The following TAB1 variants were observed in gnomAD, a reference collection of about 807,000 sequenced individuals.
TAB1 encodes TGF-beta-activated kinase 1 and MAP3K7-binding protein 1.
Under a neutral mutation model 54.5 loss-of-function variants are expected in TAB1, and 30 were observed. The ratio of observed to expected loss-of-function variants is 0.55; its 90% CI spans 0.41 to 0.75. The LOEUF is 0.75. Ranked by LOEUF, TAB1 falls within the 30% of genes least tolerant of loss-of-function variation. TAB1 has a pLI of 0.00. For synonymous variants in TAB1, 289 were observed against 286.9 expected, an observed-to-expected ratio of 1.01 and a Z score of -0.07; for missense variants, 609 against 683.2, an observed-to-expected ratio of 0.89 and a Z score of 1.21.
Position 39,421,876 on chromosome 22 carries a change from C to T in TAB1, c.826C>T (p.Gln276Ter). 6.2e-7 allele frequency: 1 copy of T among 1,614,072 alleles called. No individual in the cohort carries two copies. The highest frequency in any genetic ancestry group is 8.5e-7 in the Non-Finnish European group (1 of 1,179,974). ...IIAEPEIHGA[Q>*]PLDGVTGFLV... Reference sequence around the variant, plus strand: ...CGCAGAGCCAGAAATCCATGGGGCACAGCCGCTGGATGGGGTGACGGGCTT... The same window carrying T: ...CGCAGAGCCAGAAATCCATGGGGCATAGCCGCTGGATGGGGTGACGGGCTT... The change falls in exon 8 of 11, where the codon CAG (glutamine) becomes TAG (stop). Residue 276 changes from glutamine (Q) to a stop codon, truncating the protein, a stop_gained. Transcript: ENST00000216160. LOFTEE classifies it high-confidence loss of function.
chr22:39,415,122 G>T lies in TAB1; in HGVS notation c.150G>T (p.Glu50Asp). 6.3e-7 allele frequency: 1 copy of T among 1,595,798 alleles called. No individual in the cohort carries two copies. Among genetic ancestry groups the T allele is most frequent in the Non-Finnish European group, 8.6e-7 (1 of 1,168,040 alleles). Residue 50 changes from glutamate to aspartate, a missense_variant, in exon 2 of 11, where the codon GAG (glutamate) becomes GAT (aspartate). Physicochemically the swap from Glu to Asp is conservative, Grantham distance 45. Coordinates refer to ENST00000216160, the MANE Select transcript of TAB1 (RefSeq NM_006116.3). The surrounding 1 kb of genome is among the most constrained non-coding windows in gnomAD (Gnocchi z 4.9). ...DGKGTESHPP[E>D]DSWLKFRSEN... The stretch of plus-strand genomic sequence containing the variant: ...AGGGCACTGAGAGCCACCCGCCAGA[G>T]GACAGCTGGCTCAAGTTCAGGTGTG...
chr22:39,425,618 G>C (rs1400291492), intron 8 of TAB1, among the ~76,000 whole-genome samples: 1 of 150,902 alleles, frequency 6.6e-6, no homozygotes, highest in Non-Finnish European at 1.5e-5. Flanking sequence ...GCAGTGGCTC[G>C]ATCTGGGCTT....
At chr22:39,419,786 C>CA (rs201644827) in intron 7 of TAB1, among the ~76,000 whole-genome samples, 156 bp downstream of exon 7, 150 of 136,172 alleles carry the variant, frequency 1.1e-3, no homozygotes, top group South Asian at 4.0e-3. Flanking sequence ...GACCCTGTCT[C>CA]AAAAAAAAAA....
rs377100708 is a variant in TAB1, at chr22:39,430,126, C to A, written c.1419C>A (p.Gly473=). Residue 473 remains glycine, a synonymous_variant, in exon 11 of 11, where the codon GGC becomes GGA. Transcript: ENST00000216160. The part of the protein sequence containing the change: ...RSRPAHSLPP[G]EDGRVEPYVD... ...GGCCCGCCCACTCGCTCCCGCCTGG[C>A]GAGGACGGTCGTGTTGAGCCCTATG... The A allele has an allele frequency of 4.3e-6, 7 of 1,613,922 alleles. No individual in the cohort carries two copies. The South Asian group carries it at 6.6e-5, about 15-fold the overall frequency.
chr22:39,414,941 A>G, intron 1 of TAB1, 65 bp from the exon 2 acceptor site: 1 of 1,598,754 alleles, frequency 6.3e-7, no homozygotes, highest in South Asian at 1.1e-5. Context: ...CAGAAGGAAT[A>G]GGTGAAGTGG....
chr22:39,415,803 C>T lies in TAB1; in HGVS notation c.324+150C>T. ...AGAGGAGCAGCTCCCAGCGTAGGCC[C>T]CCCCACCCAACAGGAGTCCAGGACC... On this transcript the variant is annotated intron_variant, in intron 3 of 10. Transcript: ENST00000216160. The surrounding 1 kb of genome is among the most constrained non-coding windows in gnomAD (Gnocchi z 4.9). 9.6e-7 allele frequency: 1 copy of T among 1,044,200 alleles called. No homozygotes were observed. Among genetic ancestry groups the T allele is most frequent in the Non-Finnish European group, 1.4e-6 (1 of 735,882 alleles). The allele number at this position is 1,044,200 out of a possible 1,614,324, so 64.7% of individuals were successfully genotyped here.
chr22:39,436,804 C>G (rs1927804104), downstream of TAB1: 1 of 558,664 alleles, frequency 1.8e-6, no homozygotes, highest in East Asian at 3.0e-5. Flanking sequence ...AGGGACTTAT[C>G]CCCCAAGGCT....
chr22:39,400,543 T>G (rs1569190668), intron 1 of TAB1, among the ~76,000 whole-genome samples: 1 of 152,234 alleles, frequency 6.6e-6, no homozygotes, highest in Non-Finnish European at 1.5e-5. Context: ...GACTCATCCC[T>G]ACCCCCGGTC....
chr22:39,415,163 G>T lies in TAB1; in HGVS notation c.170+21G>T. 2 of 1,555,182 alleles carry T rather than the reference G, an allele frequency of 1.3e-6. No homozygotes were observed. Among genetic ancestry groups the T allele is most frequent in the Non-Finnish European group, 1.7e-6 (2 of 1,147,326 alleles). On this transcript the variant is annotated intron_variant, in intron 2 of 10. Transcript: ENST00000216160. This position sits in a 1 kb window ranked among gnomAD's most constrained non-coding sequence, Gnocchi z 4.9. ...TTCAGGTGTGTGTGCCAGCATTTCT[G>T]TGTTGGGCCCGGGGAGTTGGTTGGT...
At position 39,428,088 on chromosome 22, in the gene TAB1, C is replaced by T. The variant is rs539182225; in HGVS notation, c.1212C>T (p.Ser404=). The T allele has an allele frequency of 1.9e-5, 31 of 1,613,856 alleles. No homozygotes were observed. The highest frequency in any genetic ancestry group is 4.5e-5 in the East Asian group (2 of 44,888). The change falls in exon 10 of 11, where the codon AGC becomes AGT. Residue 404 remains serine (S), a synonymous_variant. Transcript: ENST00000216160. ...YSSAQSTSKT[S]VTLSLVMPSQ... is the part of the protein sequence containing the mutation. ...GCGCCCAGAGCACCAGCAAGACCAG[C>T]GTGACCCTCTCCCTTGTCATGCCCT...
At chr22:39,419,754 T>C in intron 7 of TAB1, 124 bp downstream of exon 7, 1 of 544,762 alleles carries the variant, frequency 1.8e-6, no homozygotes. Context: ...GCCACTGCAC[T>C]CCAGCCTGGG....
chr22:39,435,348 C>G (rs367922100), downstream of TAB1, among the ~76,000 whole-genome samples: 6 of 152,150 alleles, frequency 3.9e-5, no homozygotes, highest in East Asian at 1.2e-3. Context: ...CAGGAAACCC[C>G]AGCAGGTCCC....
chr22:39,431,076 A>G lies in TAB1; in HGVS notation c.*854A>G. On this transcript the variant is annotated 3_prime_UTR_variant, in exon 11 of 11. Coordinates refer to ENST00000216160, the MANE Select transcript of TAB1 (RefSeq NM_006116.3). ...GCAGCTGAGATGAACTGTCTTTACC[A>G]CTGATGAGGGGCCTCTGCCGGCTGA... The G allele has an allele frequency of 2.0e-6, 2 of 985,606 alleles. No individual in the cohort carries two copies. Among genetic ancestry groups the G allele is most frequent in the Non-Finnish European group, 2.4e-6 (2 of 830,086 alleles). 61.1% of individuals were successfully genotyped at this position (985,606 alleles called of 1,614,324 possible).
intron 1 of TAB1, among the ~76,000 whole-genome samples, chr22:39,406,586 T>C (rs960811933): frequency 1.3e-5 from 2 of 152,010 alleles, no homozygotes; most frequent in African/African-American, 4.8e-5. Context: ...TACTTTTACA[T>C]ATGCTCTTTG....
At chr22:39,411,520 A>G (rs116753874) in intron 1 of TAB1, among the ~76,000 whole-genome samples, 1 of 152,236 alleles carries the variant, frequency 6.6e-6, no homozygotes, top group Admixed American at 6.5e-5. Context: ...GGAAGTGCAG[A>G]TTAAAGTCAC....
downstream of TAB1, chr22:39,433,732 G>A: frequency 1.0e-6 from 1 of 985,426 alleles, no homozygotes; most frequent in Non-Finnish European, 1.2e-6. Context: ...GGCAGTGGGG[G>A]CAGCCGGGCC....
chr22:39,430,637 C>T lies in TAB1; in HGVS notation c.*415C>T. 9.2e-7 allele frequency: 1 copy of T among 1,092,888 alleles called. No individual in the cohort carries two copies. Among genetic ancestry groups the T allele is most frequent in the Non-Finnish European group, 1.1e-6 (1 of 890,622 alleles). The allele number at this position is 1,092,888 out of a possible 1,614,324, so 67.7% of individuals were successfully genotyped here. On this transcript the variant is annotated 3_prime_UTR_variant, in exon 11 of 11. Transcript: ENST00000216160. ...AGCCCACCCCTCCTCCCACCATCACCTCCCTCACCTCGGGACAGTAGCCCT... is the reference window on the plus strand; with the variant it reads ...AGCCCACCCCTCCTCCCACCATCACTTCCCTCACCTCGGGACAGTAGCCCT...
rs2076032818 is a variant in TAB1, at chr22:39,430,191, A to G, written c.1484A>G (p.His495Arg). 1 of 1,613,514 alleles carries G rather than the reference A, an allele frequency of 6.2e-7. No homozygotes were observed. The highest frequency in any genetic ancestry group is 8.5e-7 in the Non-Finnish European group (1 of 1,180,018). ...TTTTACCGCCTCTGGAGCGTGGACCATGGCGAGCAGAGCGTGGTGACAGCA... is the reference window on the plus strand; with the variant it reads ...TTTTACCGCCTCTGGAGCGTGGACCGTGGCGAGCAGAGCGTGGTGACAGCA... ...AEFYRLWSVD[H>R]GEQSVVTAP Residue 495 changes from histidine (H) to arginine (R), a missense_variant, in exon 11 of 11, where the codon CAT becomes CGT. Transcript: ENST00000216160.
At chr22:39,413,435 A>G (rs1420864450) in intron 1 of TAB1, among the ~76,000 whole-genome samples, 1 of 147,208 alleles carries the variant, frequency 6.8e-6, no homozygotes, top group Non-Finnish European at 1.5e-5. Flanking sequence ...TTTTTTTTTG[A>G]GACAGAATCT....
Sources: gnomAD v4.1 joint callset for allele counts (sites outside exome capture counted in the v4.1 genomes callset) on GRCh38, gnomAD v4.1.1 for gene constraint, Gnocchi (gnomAD v3.1) non-coding constraint, MANE v1.5 for transcripts, NCBI Gene and HGNC (gene_info 2026-07-23, HGNC 2026-07-21) for gene names.